Variants in TMEM214 observed in about 807,000 individuals in gnomAD.
TMEM214 encodes the protein transmembrane protein 214.
In TMEM214, 71 loss-of-function variants were observed where a neutral mutation model predicts 89.8. That is an observed-to-expected ratio of 0.79 (90% CI 0.65 to 0.96). TMEM214 has a LOEUF of 0.96. TMEM214 is among the 40% of genes least tolerant of loss of function. The probability of loss-of-function intolerance (pLI) is 0.00; values close to 1 mark genes in which losing one functional copy is unlikely to be tolerated. For missense variants in TMEM214, 754 were observed against 843.4 expected (o/e 0.89, Z 1.31); for synonymous variants, 332 against 349.5 (o/e 0.95, Z 0.56).
rs367675035 is a variant in TMEM214 at position 27,040,437 on chromosome 2, G to C, written c.1884G>C (p.Leu628=). Residue 628 remains leucine (L), a synonymous_variant, in exon 16 of 17, where the codon CTG becomes CTC. Transcript: ENST00000238788. ...LLFHQNVLLP[L]WHLLLEALAW... is the part of the protein sequence containing the mutation. ...TCCACCAGAATGTGCTGCTGCCACT[G>C]TGGCACCTCTTGCTTGAGGCCCTGG... The C allele has an allele frequency of 2.0e-5, 32 of 1,614,098 alleles. No homozygotes were observed. Among genetic ancestry groups the C allele is most frequent in the Admixed American group, 3.3e-5 (2 of 60,016 alleles).
intron 14 of TMEM214, 59 bp from the exon 15 acceptor site, chr2:27,039,971 G>A: frequency 6.3e-7 from 1 of 1,592,730 alleles, no homozygotes; most frequent in Non-Finnish European, 8.5e-7. Flanking sequence ...CTGTTTCTTG[G>A]GAGCTAAGTG....
intron 4 of TMEM214, 53 bp downstream of exon 4, chr2:27,035,781 C>G: frequency 6.2e-7 from 1 of 1,612,556 alleles, no homozygotes; most frequent in Non-Finnish European, 8.5e-7. Context: ...CCTTTTTTTC[C>G]TGCTTCCAGT....
chr2:27,039,532 G>T, intron 13 of TMEM214: 1 of 608,978 alleles, frequency 1.6e-6, no homozygotes, highest in East Asian at 2.8e-5. Flanking sequence ...GCTCCAACCG[G>T]CAGCTGCATT....
rs1667493752 is a variant in TMEM214 at position 27,035,121 on chromosome 2, A to G, written c.352-14A>G. On this transcript the variant is annotated splice_polypyrimidine_tract_variant and intron_variant, in intron 2 of 16. Transcript: ENST00000238788. ...ACTCGCCATGGTGGGGGGTTGGGGG[A>G]TTGTCCCTGGCAGCTGGATGTGGCA... The G allele has an allele frequency of 4.3e-6, 7 of 1,612,864 alleles. No individual in the cohort carries two copies. The highest frequency in any genetic ancestry group is 5.9e-6 in the Non-Finnish European group (7 of 1,179,536).
intron 6 of TMEM214, 51 bp from the exon 7 acceptor site, chr2:27,036,654 C>T: frequency 6.2e-7 from 1 of 1,612,052 alleles, no homozygotes; most frequent in Non-Finnish European, 8.5e-7. Context: ...CTCTTTGATG[C>T]CCCCAGTAGG....
intron 14 of TMEM214, 88 bp from the exon 15 acceptor site, chr2:27,039,942 A>G (rs1379366944): frequency 1.3e-6 from 2 of 1,594,652 alleles, no homozygotes; most frequent in African/African-American, 2.7e-5. Flanking sequence ...CTCCTTTCCC[A>G]CGGCCTCCCT....
chr2:27,036,938 A>G (rs897043162), intron 7 of TMEM214, 139 bp from the exon 8 acceptor site: 3 of 1,083,120 alleles, frequency 2.8e-6, no homozygotes, highest in Non-Finnish European at 4.3e-6. Context: ...TGAGGAAGGA[A>G]GAAGAGGGAG....
chr2:27,040,813 A>G lies in TMEM214; in HGVS notation c.2046A>G (p.Ala682=), dbSNP rs565066067. 4.3e-6 allele frequency: 7 copies of G among 1,613,968 alleles called. No individual in the cohort carries two copies. The African/African-American group carries it at 9.3e-5, about 22-fold the overall frequency. The change falls in exon 17 of 17, where the codon GCA becomes GCG. Residue 682 remains alanine, a synonymous_variant. Transcript: ENST00000238788. ...QDITVAFLDW[A]LALISQQ ...TTACAGTGGCTTTCTTGGACTGGGC[A>G]CTTGCCCTGATATCCCAGCAGTAGG... is the stretch of plus-strand genomic sequence containing the variant.
chr2:27,040,035 T>C lies in TMEM214; in HGVS notation c.1628T>C (p.Leu543Pro). ...YSYSLQGYSW[L>P]GETLPLWGSH... is the part of the protein sequence containing the mutation. Reference sequence around the variant, plus strand: ...CCCACTTCCATCTTCCACAGCTGGCTGGGGGAGACACTGCCGCTCTGGGGC... The same window carrying C: ...CCCACTTCCATCTTCCACAGCTGGCCGGGGGAGACACTGCCGCTCTGGGGC... The change falls in exon 15 of 17, where the codon CTG becomes CCG. Residue 543 changes from leucine (L) to proline (P), a missense_variant. Coordinates refer to ENST00000238788, the MANE Select transcript of TMEM214 (RefSeq NM_017727.5). 1 of 1,604,310 alleles carries C rather than the reference T, an allele frequency of 6.2e-7. No homozygotes were observed. Among genetic ancestry groups the C allele is most frequent in the Non-Finnish European group, 8.5e-7 (1 of 1,178,736 alleles).
In TMEM214 at chr2:27,040,106, G is replaced by A. The variant is rs1490967754; in HGVS notation, c.1699G>A (p.Ala567Thr). ...GCGGCCCAGCTTGCAGCTGGCCTGG[G>A]CTCACACCAATGCCACAGTCAGCTT... ...VVRPSLQLAW[A>T]HTNATVSFLS... Residue 567 changes from alanine (A) to threonine (T), a missense_variant, in exon 15 of 17, where the codon GCT becomes ACT. Coordinates refer to ENST00000238788, the MANE Select transcript of TMEM214 (RefSeq NM_017727.5). 10 of 1,609,152 alleles carry A rather than the reference G, an allele frequency of 6.2e-6. No homozygotes were observed. Among genetic ancestry groups the A allele is most frequent in the Non-Finnish European group, 8.5e-6 (10 of 1,179,996 alleles).
intron 2 of TMEM214, 57 bp from the exon 3 acceptor site, chr2:27,035,078 T>C: frequency 1.2e-6 from 2 of 1,603,270 alleles, no homozygotes; most frequent in Non-Finnish European, 1.7e-6. Context: ...ACCCCATTTC[T>C]TTACTCCCTC....
chr2:27,038,183 C>T lies in TMEM214; in HGVS notation c.1190C>T (p.Pro397Leu). Residue 397 changes from proline (P) to leucine (L), a missense_variant, in exon 10 of 17, where the codon CCC (proline) becomes CTC (leucine). Coordinates refer to ENST00000238788, the MANE Select transcript of TMEM214 (RefSeq NM_017727.5). The surrounding 1 kb of genome is among the most constrained non-coding windows in gnomAD (Gnocchi z 4.4). Reference sequence around the variant, plus strand: ...CTGACTGAGTGCCTGACGGTGGACCCCCTCAGTGCCAGCGTCTGGAGGCAG... The same window carrying T: ...CTGACTGAGTGCCTGACGGTGGACCTCCTCAGTGCCAGCGTCTGGAGGCAG... ...SSLTECLTVD[P>L]LSASVWRQLY... 8.1e-6 allele frequency: 13 copies of T among 1,614,184 alleles called. No individual in the cohort carries two copies. Among genetic ancestry groups the T allele is most frequent in the Non-Finnish European group, 1.1e-5 (13 of 1,180,034 alleles).
At chr2:27,037,258 C>T in intron 8 of TMEM214, 80 bp downstream of exon 8, 1 of 1,230,434 alleles carries the variant, frequency 8.1e-7, no homozygotes, top group Non-Finnish European at 1.2e-6. Context: ...CTCTCCTTCC[C>T]CAGCCATCCT....
rs998177542 is a variant in TMEM214 at position 27,038,589 on chromosome 2, T to G, written c.1293+57T>G. 1 of 1,610,364 alleles carries G rather than the reference T, an allele frequency of 6.2e-7. No individual in the cohort carries two copies. Among genetic ancestry groups the G allele is most frequent in the Non-Finnish European group, 8.5e-7 (1 of 1,177,274 alleles). Reference sequence around the variant, plus strand: ...CCCTGTCTGGATTCTAGGTTCTGAGTGGGGGCTCCTCAGCCACTGTCCCTT... The same window carrying G: ...CCCTGTCTGGATTCTAGGTTCTGAGGGGGGGCTCCTCAGCCACTGTCCCTT... On this transcript the variant is annotated intron_variant, in intron 11 of 16. Coordinates refer to ENST00000238788, the MANE Select transcript of TMEM214 (RefSeq NM_017727.5). The surrounding 1 kb of genome is among the most constrained non-coding windows in gnomAD (Gnocchi z 4.4).
chr2:27,034,978 A>G (rs554314121), intron 2 of TMEM214, among the ~76,000 whole-genome samples, 157 bp from the exon 3 acceptor site: 1 of 152,332 alleles, frequency 6.6e-6, no homozygotes, highest in Non-Finnish European at 1.5e-5. Flanking sequence ...AGATGTAGGT[A>G]CAGCAGAATT....
In TMEM214 at chr2:27,040,503, C is replaced by A. The variant is rs1667790960; in HGVS notation, c.1943+7C>A. 6 of 1,612,778 alleles carry A rather than the reference C, an allele frequency of 3.7e-6. No homozygotes were observed. The highest frequency in any genetic ancestry group is 4.2e-6 in the Non-Finnish European group (5 of 1,179,894). ...ACTGCCATGAGGCATGCAGGTGAGA[C>A]CTTTGCCCAGGGCTCCGGCAGGATC... On this transcript the variant is annotated splice_region_variant and intron_variant, in intron 16 of 16. Transcript: ENST00000238788.
Position 27,038,883 on chromosome 2 carries a change from G to T in TMEM214, c.1407+68G>T. 1 of 1,496,006 alleles carries T rather than the reference G, an allele frequency of 6.7e-7. No homozygotes were observed. The highest frequency in any genetic ancestry group is 9.3e-7 in the Non-Finnish European group (1 of 1,078,680). 92.7% of individuals were successfully genotyped at this position (1,496,006 alleles called of 1,614,324 possible). On this transcript the variant is annotated intron_variant, in intron 12 of 16. Transcript: ENST00000238788. This position sits in a 1 kb window ranked among gnomAD's most constrained non-coding sequence, Gnocchi z 4.4. ...TCTCTGTCTCAGCACACCTGGGTTG[G>T]GCCTGTATCACATTCCTGCCCCACC...
At chr2:27,036,383 C>A in intron 5 of TMEM214, 104 bp from the exon 6 acceptor site, 1 of 1,009,964 alleles carries the variant, frequency 9.9e-7, no homozygotes, top group Non-Finnish European at 1.6e-6. Flanking sequence ...CTTGCTCGGC[C>A]TGTCCTCCCT....
chr2:27,034,573 C>A, intron 2 of TMEM214: 17 of 283,038 alleles, frequency 6.0e-5, no homozygotes, highest in East Asian at 2.4e-4. Context: ...ACTGATCTTT[C>A]ATTTTCTGTC....
Sources: allele counts gnomAD v4.1 joint callset (sites outside exome capture counted in the v4.1 genomes callset), GRCh38; gene constraint gnomAD v4.1.1; non-coding constraint Gnocchi (gnomAD v3.1); transcripts MANE v1.5; gene names NCBI Gene and HGNC (gene_info 2026-07-23, HGNC 2026-07-21).